The following GDNF variants were observed in gnomAD, a reference collection of about 807,000 sequenced individuals.
GDNF encodes the protein glial cell line-derived neurotrophic factor.
Under a neutral mutation model 13.7 loss-of-function variants are expected in GDNF, and 5 were observed. The ratio of observed to expected loss-of-function variants is 0.36; its 90% CI spans 0.19 to 0.77. GDNF has a LOEUF of 0.77. Among genes scored for constraint, GDNF ranks in the 30% least tolerant of loss-of-function variants. The probability of loss-of-function intolerance (pLI) is 0.51; values close to 1 mark genes in which losing one functional copy is unlikely to be tolerated. For synonymous variants in GDNF, 122 were observed against 112.5 expected, an observed-to-expected ratio of 1.08 and a Z score of -0.53; for missense variants, 246 against 274.3, an observed-to-expected ratio of 0.90 and a Z score of 0.73.
In GDNF at chr5:37,815,288, T is replaced by A. The variant is rs45611434; in HGVS notation, c.*363A>T. 5.7e-3 allele frequency: 1,959 copies of A among 342,202 alleles called. 11 individuals carry two copies. The highest frequency in any genetic ancestry group is 0.024 in the Middle Eastern group (25 of 1,060). 21.2% of individuals were successfully genotyped at this position (342,202 alleles called of 1,614,324 possible). ...GATACACTGGTTTGGTTCAAGTGCATCCACCGCAACCGCGCCGGTAATCAG... is the reference window on the plus strand; with the variant it reads ...GATACACTGGTTTGGTTCAAGTGCAACCACCGCAACCGCGCCGGTAATCAG... On this transcript the variant is annotated 3_prime_UTR_variant, in exon 3 of 3. Coordinates refer to ENST00000326524, the MANE Select transcript of GDNF (RefSeq NM_000514.4). The surrounding 1 kb of genome is among the most constrained non-coding windows in gnomAD (Gnocchi z 5.0).
At chr5:37,835,347 C>A in intron 1 of GDNF, 1 of 873,022 alleles carries the variant, frequency 1.1e-6, no homozygotes, top group Non-Finnish European at 1.6e-6. Flanking sequence ...CCTCGGGTCC[C>A]AACCGGGCTT....
In GDNF at chr5:37,834,672, C is replaced by T; in HGVS notation, c.125G>A (p.Arg42His). The change falls in exon 2 of 3, where the codon CGC becomes CAC. Residue 42 changes from arginine (R) to histidine (H), a missense_variant. Physicochemically the swap from Arg to His is conservative, Grantham distance 29. Coordinates refer to ENST00000326524, the MANE Select transcript of GDNF (RefSeq NM_000514.4). ...GTCACTGCTCAGCGCGAAGGGCGCGCGGCGGCGGCCGAGGGAGCGGTCTTC... is the reference window on the plus strand; with the variant it reads ...GTCACTGCTCAGCGCGAAGGGCGCGTGGCGGCGGCCGAGGGAGCGGTCTTC... ...PAEDRSLGRR[R>H]APFALSSDSN... 6.2e-7 allele frequency: 1 copy of T among 1,604,514 alleles called. No individual in the cohort carries two copies. The highest frequency in any genetic ancestry group is 1.1e-5 in the South Asian group (1 of 90,344).
At chr5:37,822,840 A>C (rs1345809775) in intron 2 of GDNF, among the ~76,000 whole-genome samples, 1 of 152,224 alleles carries the variant, frequency 6.6e-6, no homozygotes, top group Non-Finnish European at 1.5e-5. Flanking sequence ...ACAACTTCTC[A>C]AGAAGAGTCC....
At position 37,814,985 on chromosome 5, in the gene GDNF, C is replaced by A. The variant is rs1345470932; in HGVS notation, c.*666G>T. 6.5e-6 allele frequency: 1 copy of A among 153,014 alleles called. No individual in the cohort carries two copies. The highest frequency in any genetic ancestry group is 1.5e-5 in the Non-Finnish European group (1 of 68,640). The allele number at this position is 153,014 out of a possible 1,614,324, so 9.5% of individuals were successfully genotyped here. A position where few individuals can be genotyped will look rare whatever the true frequency, so the allele number is the denominator to read the frequency against. ...TGAGCACAGCCTTTTTGGTTCCTAG[C>A]CAACTTCTTCCCACCCCACACACCG... On this transcript the variant is annotated 3_prime_UTR_variant, in exon 3 of 3. Transcript: ENST00000326524.
Position 37,813,137 on chromosome 5 carries a change from G to A in GDNF, c.*2514C>T, listed in dbSNP as rs1016234405. 2.0e-5 allele frequency: 3 copies of A among 152,238 alleles called. No homozygotes were observed. Among genetic ancestry groups the A allele is most frequent in the African/African-American group, 7.2e-5 (3 of 41,434 alleles). The allele number at this position is 152,238 out of a possible 1,614,324, so 9.4% of individuals were successfully genotyped here. On this transcript the variant is annotated 3_prime_UTR_variant, in exon 3 of 3. Transcript: ENST00000326524. ...GACTGGATGGCTGGGGTTTGTCACT[G>A]TTTCGAGCAGTCTGAATTCTCAGCA...
chr5:37,830,243 G>A (rs1354548096), intron 2 of GDNF, among the ~76,000 whole-genome samples: 2 of 152,192 alleles, frequency 1.3e-5, no homozygotes, highest in African/African-American at 4.8e-5. Flanking sequence ...TCTCCATACA[G>A]GTAGCCTCCA....
chr5:37,829,474 T>C (rs966229192), intron 2 of GDNF, among the ~76,000 whole-genome samples: 8 of 152,206 alleles, frequency 5.3e-5, no homozygotes, highest in Non-Finnish European at 1.5e-5. Flanking sequence ...CCCATCCACC[T>C]AGCAATAGTT....
rs1182275412 is a variant in GDNF at position 37,837,450 on chromosome 5, C to T, written c.-27+2057G>A. On this transcript the variant is annotated intron_variant, in intron 1 of 2. Coordinates refer to ENST00000326524, the MANE Select transcript of GDNF (RefSeq NM_000514.4). This position sits in a 1 kb window ranked among gnomAD's most constrained non-coding sequence, Gnocchi z 6.5. ...CAGGGCAAAAGCAGCAGGCCGTGGG[C>T]GCCGGCACCTGTGGGTCCCCAGGCC... 6.6e-6 allele frequency among the ~76,000 whole-genome samples: 1 copy of T among 151,982 alleles called. No individual in the cohort carries two copies. The highest frequency in any genetic ancestry group is 1.5e-5 in the Non-Finnish European group (1 of 67,996).
chr5:37,828,512 G>T (rs2111691353), intron 2 of GDNF, among the ~76,000 whole-genome samples: 1 of 152,210 alleles, frequency 6.6e-6, no homozygotes, highest in East Asian at 1.9e-4. Context: ...TGTGTTTCAG[G>T]GTTAGTGAGT....
rs1319054898 is a variant in GDNF at position 37,837,143 on chromosome 5, C to T, written c.-26-2321G>A. On this transcript the variant is annotated intron_variant, in intron 1 of 2. Coordinates refer to ENST00000326524, the MANE Select transcript of GDNF (RefSeq NM_000514.4). This position sits in a 1 kb window ranked among gnomAD's most constrained non-coding sequence, Gnocchi z 6.5. ...AGGTTGGGGGACTCGGCACACACAG[C>T]GTCTACTAGGACGTTTTTCTTAGAG... 1.3e-5 allele frequency among the ~76,000 whole-genome samples: 2 copies of T among 152,210 alleles called. No homozygotes were observed. Among genetic ancestry groups the T allele is most frequent in the Non-Finnish European group, 1.5e-5 (1 of 68,034 alleles).
intron 2 of GDNF, among the ~76,000 whole-genome samples, chr5:37,829,283 C>T (rs2910701): frequency 0.12 from 18,291 of 152,126 alleles, 1,337 homozygotes; most frequent in East Asian, 0.22. Context: ...CTTCCAAACA[C>T]CCATCTTTCA....
Position 37,835,692 on chromosome 5 carries a change from C to T in GDNF, c.-26-870G>A, listed in dbSNP as rs566967182. 3 of 1,544,170 alleles carry T rather than the reference C, an allele frequency of 1.9e-6. No individual in the cohort carries two copies. The South Asian group carries it at 3.6e-5, about 18-fold the overall frequency. ...AAAGTTTTAATCCTCCGTGGTATAC[C>T]CGAAAACCCTCTCTTGACTGGATTT... On this transcript the variant is annotated intron_variant, in intron 1 of 2. Coordinates refer to ENST00000326524, the MANE Select transcript of GDNF (RefSeq NM_000514.4).
chr5:37,815,857 A>G lies in GDNF; in HGVS notation c.430T>C (p.Tyr144His). The change falls in exon 3 of 3, where the codon TAC becomes CAC. Residue 144 changes from tyrosine to histidine, a missense_variant. Transcript: ENST00000326524. The surrounding 1 kb of genome is among the most constrained non-coding windows in gnomAD (Gnocchi z 5.0). Reference sequence around the variant, plus strand: ...GCTGCATCGCAAGAGCCGCTGCAGTACCTAAAAATCAGTTCCTCCTTGGTT... The same window carrying G: ...GCTGCATCGCAAGAGCCGCTGCAGTGCCTAAAAATCAGTTCCTCCTTGGTT... ...YETKEELIFRYCSGSCDAAET... is the reference protein window; with the variant it reads ...YETKEELIFRHCSGSCDAAET... 1.2e-6 allele frequency: 2 copies of G among 1,614,106 alleles called. No individual in the cohort carries two copies. The highest frequency in any genetic ancestry group is 1.7e-6 in the Non-Finnish European group (2 of 1,179,980).
intron 2 of GDNF, among the ~76,000 whole-genome samples, chr5:37,832,538 C>A (rs1750557636): frequency 6.6e-6 from 1 of 152,186 alleles, no homozygotes; most frequent in Non-Finnish European, 1.5e-5. Context: ...ACAGACAAAA[C>A]ACAATGGGGT....
Position 37,838,148 on chromosome 5 carries a change from A to G in GDNF, c.-27+1359T>C, listed in dbSNP as rs986344799. 6.6e-6 allele frequency among the ~76,000 whole-genome samples: 1 copy of G among 152,098 alleles called. No individual in the cohort carries two copies. The highest frequency in any genetic ancestry group is 1.5e-5 in the Non-Finnish European group (1 of 68,012). On this transcript the variant is annotated intron_variant, in intron 1 of 2. Transcript: ENST00000326524. The surrounding 1 kb of genome is among the most constrained non-coding windows in gnomAD (Gnocchi z 4.1). ...TGCGGGGCCCAAGATGAGGGAAGGA[A>G]AAAGAATTTGGGACACTTCTCGCAG... is the stretch of plus-strand genomic sequence containing the variant.
intron 2 of GDNF, among the ~76,000 whole-genome samples, chr5:37,830,360 G>A (rs566039252): frequency 5.3e-4 from 81 of 152,144 alleles, no homozygotes; most frequent in Admixed American, 4.1e-3. Context: ...AGTTTGGTGA[G>A]AAAAAAATTC....
At chr5:37,817,091 C>A (rs1214301444) in intron 2 of GDNF, among the ~76,000 whole-genome samples, 1 of 152,160 alleles carries the variant, frequency 6.6e-6, no homozygotes, top group Non-Finnish European at 1.5e-5. Flanking sequence ...ACATGGCTCC[C>A]ACTGTCTGGC....
rs375470154 is a variant in GDNF, at chr5:37,832,752, A to C, written c.151+1894T>G. 7.7e-4 allele frequency among the ~76,000 whole-genome samples: 118 copies of C among 152,304 alleles called. 2 individuals are homozygous for C. The highest frequency in any genetic ancestry group is 2.7e-3 in the African/African-American group (111 of 41,560). On this transcript the variant is annotated intron_variant, in intron 2 of 2. Coordinates refer to ENST00000326524, the MANE Select transcript of GDNF (RefSeq NM_000514.4). Reference sequence around the variant, plus strand: ...GGGTGTTATCAAGCCATGGTGATTCAAGTCTGGTTGCACATTAGACTCATC... The same window carrying C: ...GGGTGTTATCAAGCCATGGTGATTCCAGTCTGGTTGCACATTAGACTCATC...
At chr5:37,826,966 C>A (rs1022223541) in intron 2 of GDNF, among the ~76,000 whole-genome samples, 3 of 152,154 alleles carry the variant, frequency 2.0e-5, no homozygotes, top group Admixed American at 1.3e-4. Context: ...ATATTGGGCG[C>A]TTCCTGATGT....
Sources: gnomAD v4.1 joint callset for allele counts (sites outside exome capture counted in the v4.1 genomes callset) on GRCh38, gnomAD v4.1.1 for gene constraint, Gnocchi (gnomAD v3.1) non-coding constraint, MANE v1.5 for transcripts, NCBI Gene and HGNC (gene_info 2026-07-23, HGNC 2026-07-21) for gene names.